AMZ2: variants seen among roughly 807,000 people sequenced by gnomAD.
AMZ2 encodes archaelysin family metallopeptidase 2.
Under a neutral mutation model 36.7 loss-of-function variants are expected in AMZ2, and 26 were observed. The ratio of observed to expected loss-of-function variants is 0.71; its 90% CI spans 0.52 to 0.98. AMZ2 has a LOEUF of 0.98. Among genes scored for constraint, AMZ2 ranks in the 50% least tolerant of loss-of-function variants. AMZ2 has a pLI of 0.00. For synonymous variants in AMZ2, 144 were observed against 149.1 expected (o/e 0.97, Z 0.25); for missense variants, 394 against 430.5 (o/e 0.92, Z 0.75).
At position 68,235,446 on chromosome 17, in the gene AMZ2, A is replaced by G. The variant is rs1555732273; in HGVS notation, c.-66-13194A>G. Among the ~76,000 whole-genome samples, 1 of 152,204 alleles carries G rather than the reference A, an allele frequency of 6.6e-6. No individual in the cohort carries two copies. Among genetic ancestry groups the G allele is most frequent in the African/African-American group, 2.4e-5 (1 of 41,448 alleles). Reference sequence around the variant, plus strand: ...AAAGTGCCTTGGCTGAGGGCCACCCAGGAGCTGGTGGTGCCTCAGCTGAAC... The same window carrying G: ...AAAGTGCCTTGGCTGAGGGCCACCCGGGAGCTGGTGGTGCCTCAGCTGAAC... On this transcript the variant is annotated intron_variant, in intron 1 of 7. Coordinates refer to the AMZ2 transcript ENST00000674770. This position sits in a 1 kb window ranked among gnomAD's most constrained non-coding sequence, Gnocchi z 4.2.
At chr17:68,242,902 G>A (rs2073931416) in intron 1 of AMZ2, among the ~76,000 whole-genome samples, 1 of 151,964 alleles carries the variant, frequency 6.6e-6, no homozygotes, top group African/African-American at 2.4e-5. Context: ...ACATTAGCCA[G>A]GTGTGATGGT....
At position 68,235,946 on chromosome 17, in the gene AMZ2, C is replaced by G. The variant is rs2073777245; in HGVS notation, c.-66-12694C>G. ...CCGGGCTCAAGCGATTCTCCTGCCT[C>G]AGGCTCCCAAGTAGCTGGGATTATA... On this transcript the variant is annotated intron_variant, in intron 1 of 7. Coordinates refer to the AMZ2 transcript ENST00000674770. This position sits in a 1 kb window ranked among gnomAD's most constrained non-coding sequence, Gnocchi z 4.2. Among the ~76,000 whole-genome samples the G allele has an allele frequency of 6.6e-6, 1 of 152,156 alleles. No individual in the cohort carries two copies. Among genetic ancestry groups the G allele is most frequent in the South Asian group, 2.1e-4 (1 of 4,834 alleles).
chr17:68,228,813 G>T (rs764651561), intron 1 of AMZ2, among the ~76,000 whole-genome samples: 13 of 152,232 alleles, frequency 8.5e-5, no homozygotes, highest in Non-Finnish European at 1.8e-4. Flanking sequence ...TGCTCCTCCT[G>T]CCTGCTACAC....
chr17:68,245,641 T>A (rs1337533044), upstream of AMZ2, among the ~76,000 whole-genome samples: 4 of 152,188 alleles, frequency 2.6e-5, no homozygotes, highest in African/African-American at 7.2e-5. Context: ...GATTTAGAAA[T>A]TTAAACAGTT....
intron 6 of AMZ2, 135 bp downstream of exon 6, chr17:68,256,011 T>C: frequency 1.0e-6 from 1 of 994,398 alleles, no homozygotes; most frequent in Non-Finnish European, 1.4e-6. Context: ...GAAGCTGCGG[T>C]TTAAAAATGT....
At chr17:68,223,385 G>A (rs1422782385) in intron 1 of AMZ2, among the ~76,000 whole-genome samples, 39 of 152,210 alleles carry the variant, frequency 2.6e-4, no homozygotes, top group African/African-American at 7.2e-4. Context: ...AAGCCCTGCG[G>A]GGCAGCGCTT....
rs1305571303 is a variant in AMZ2, at chr17:68,207,844, G to A, written c.-67+1606G>A. On this transcript the variant is annotated intron_variant, in intron 1 of 7. Transcript: ENST00000674770. ...CTGGAGCCGGCTCCCTCAGCTTGCGGGGGAGGTGTGGAGGGAGAGGCGCAG... is the reference window on the plus strand; with the variant it reads ...CTGGAGCCGGCTCCCTCAGCTTGCGAGGGAGGTGTGGAGGGAGAGGCGCAG... Among the ~76,000 whole-genome samples, 2 of 116,832 alleles carry A rather than the reference G, an allele frequency of 1.7e-5. 1 individual carries two copies. The highest frequency in any genetic ancestry group is 4.6e-4 in the South Asian group (2 of 4,310). 76.6% of individuals were successfully genotyped at this position (116,832 alleles called of 152,430 possible).
At position 68,231,496 on chromosome 17, in the gene AMZ2, A is replaced by G. The variant is rs1599341991; in HGVS notation, c.-66-17144A>G. 2.9e-5 allele frequency among the ~76,000 whole-genome samples: 3 copies of G among 101,870 alleles called. 1 individual carries two copies. Among genetic ancestry groups the G allele is most frequent in the Non-Finnish European group, 5.6e-5 (3 of 53,458 alleles). The allele number at this position is 101,870 out of a possible 152,430, so 66.8% of individuals were successfully genotyped here. A position where few individuals can be genotyped will look rare whatever the true frequency, so the allele number is the denominator to read the frequency against. On this transcript the variant is annotated intron_variant, in intron 1 of 7. Coordinates refer to the AMZ2 transcript ENST00000674770. ...AGGTCAAAAAAGAAGTCCTGCTTCA[A>G]CATTACTAAGAGGTAATATAATTTT...
chr17:68,245,365 G>A (rs1481386732), upstream of AMZ2, among the ~76,000 whole-genome samples: 1 of 151,100 alleles, frequency 6.6e-6, no homozygotes, highest in Admixed American at 6.6e-5. Flanking sequence ...TGCCTCCCAA[G>A]TAGCTGAGAC....
chr17:68,250,592 G>A (rs576973055), intron 2 of AMZ2, 122 bp downstream of exon 2: 166 of 1,347,678 alleles, frequency 1.2e-4, no homozygotes, highest in Middle Eastern at 9.4e-4. Context: ...TATTCATTGC[G>A]GCGGTACAAG....
At position 68,209,637 on chromosome 17, in the gene AMZ2, T is replaced by A. The variant is rs1207284757; in HGVS notation, c.-67+3399T>A. The stretch of plus-strand genomic sequence containing the variant: ...ATATATATATATATATATATATTTT[T>A]TTTTTTTTTTATACAGAGTCTCCTC... On this transcript the variant is annotated intron_variant, in intron 1 of 7. Coordinates refer to the AMZ2 transcript ENST00000674770. Among the ~76,000 whole-genome samples, 185 of 139,532 alleles carry A rather than the reference T, an allele frequency of 1.3e-3. 1 individual carries two copies. Among genetic ancestry groups the A allele is most frequent in the African/African-American group, 4.6e-3 (165 of 36,182 alleles). 91.5% of individuals were successfully genotyped at this position (139,532 alleles called of 152,430 possible).
intron 2 of AMZ2, 42 bp downstream of exon 2, chr17:68,250,512 T>G (rs781884797): frequency 1.3e-6 from 2 of 1,593,680 alleles, no homozygotes; most frequent in African/African-American, 2.7e-5. Flanking sequence ...AGTTTTGCAG[T>G]GGCGCTCTTG....
At position 68,257,085 on chromosome 17, in the gene AMZ2, C is replaced by T; in HGVS notation, c.*116C>T. The T allele has an allele frequency of 9.4e-7, 1 of 1,060,004 alleles. No individual in the cohort carries two copies. 65.7% of individuals were successfully genotyped at this position (1,060,004 alleles called of 1,614,324 possible). On this transcript the variant is annotated 3_prime_UTR_variant, in exon 7 of 7. Transcript: ENST00000359904. The stretch of plus-strand genomic sequence containing the variant: ...TCTTGTGCTGTGTCAAAGTAACAGA[C>T]TAGAACCTTCTTTCAAGTACCTGAA...
chr17:68,239,865 G>A (rs2073866271), intron 1 of AMZ2, among the ~76,000 whole-genome samples: 2 of 152,156 alleles, frequency 1.3e-5, no homozygotes, highest in African/African-American at 4.8e-5. Context: ...GATGTTGATG[G>A]AAAGTTCTAA....
intron 1 of AMZ2, among the ~76,000 whole-genome samples, chr17:68,219,673 A>G (rs1197166097): frequency 6.7e-6 from 1 of 149,786 alleles, no homozygotes; most frequent in Non-Finnish European, 1.5e-5. Flanking sequence ...CTGGGACCAC[A>G]GTTACGCACC....
Position 68,254,464 on chromosome 17 carries a change from G to A in AMZ2, c.647G>A (p.Gly216Asp). ...GATTTTTATAGCATGCACTATAAAG[G>A]CAAAGTGAAGAAGCTCAAGAAAACA... ...GSDFYSMHYKGKVKKLKKTSS... is the reference protein window; with the variant it reads ...GSDFYSMHYKDKVKKLKKTSS... Residue 216 changes from glycine (G) to aspartate (D), a missense_variant, in exon 5 of 7, where the codon GGC (glycine) becomes GAC (aspartate). Physicochemically the swap from Gly to Asp is moderately conservative, Grantham distance 94 (BLOSUM62 -1). Transcript: ENST00000359904. 1 of 1,613,670 alleles carries A rather than the reference G, an allele frequency of 6.2e-7. No individual in the cohort carries two copies. The highest frequency in any genetic ancestry group is 8.5e-7 in the Non-Finnish European group (1 of 1,179,948).
intron 1 of AMZ2, among the ~76,000 whole-genome samples, chr17:68,216,707 T>C (rs1226387439): frequency 6.6e-6 from 1 of 152,224 alleles, no homozygotes; most frequent in Non-Finnish European, 1.5e-5. Context: ...GATACTGTAA[T>C]GGTTTTTGTT....
chr17:68,247,838 G>A (rs1253470554), upstream of AMZ2: 15 of 985,416 alleles, frequency 1.5e-5, no homozygotes, highest in African/African-American at 1.7e-5. Flanking sequence ...GGACAGCTGG[G>A]GCTTGTAGTC....
Position 68,254,470 on chromosome 17 carries a change from T to C in AMZ2, c.653T>C (p.Val218Ala), listed in dbSNP as rs782378416. 1.9e-6 allele frequency: 3 copies of C among 1,613,660 alleles called. No individual in the cohort carries two copies. The African/African-American group carries it at 4.0e-5, about 22-fold the overall frequency. The change falls in exon 5 of 7, where the codon GTG becomes GCG. Residue 218 changes from valine to alanine, a missense_variant. Transcript: ENST00000359904. ...DFYSMHYKGK[V>A]KKLKKTSSSD... is the part of the protein sequence containing the mutation. ...TATAGCATGCACTATAAAGGCAAAG[T>C]GAAGAAGCTCAAGAAAACATCTTCA...
Sources: allele counts gnomAD v4.1 joint callset (sites outside exome capture counted in the v4.1 genomes callset), GRCh38; gene constraint gnomAD v4.1.1; non-coding constraint Gnocchi (gnomAD v3.1); transcripts MANE v1.5; gene names NCBI Gene and HGNC (gene_info 2026-07-23, HGNC 2026-07-21).